Variants in GRIP1 observed in about 807,000 individuals in gnomAD.
GRIP1 encodes the protein glutamate receptor-interacting protein 1.
A neutral mutation model predicts 129.9 loss-of-function variants in GRIP1; 45 were observed. The observed-to-expected ratio is 0.35, with a 90% CI of 0.27 to 0.44. The LOEUF (loss-of-function observed/expected upper bound fraction) is 0.44. GRIP1 is among the 20% of genes least tolerant of loss of function. The pLI, the probability that GRIP1 is intolerant of heterozygous loss-of-function variation, is 1.00. For missense variants in GRIP1, 1,196 were observed against 1,396.8 expected, an observed-to-expected ratio of 0.86 and a Z score of 2.29; for synonymous variants, 530 against 520.8, an observed-to-expected ratio of 1.02 and a Z score of -0.24.
chr12:67,005,350 C>T (rs2042611223), intron 1 of GRIP1, among the ~76,000 whole-genome samples: 1 of 152,186 alleles, frequency 6.6e-6, no homozygotes, highest in South Asian at 2.1e-4. Flanking sequence ...ATGTCAAAAA[C>T]TACGCCACTA....
intron 1 of GRIP1, among the ~76,000 whole-genome samples, chr12:67,018,971 A>G (rs1002402873): frequency 1.4e-4 from 22 of 152,196 alleles, no homozygotes; most frequent in African/African-American, 5.3e-4. Flanking sequence ...ACTCAGGGAT[A>G]CAGTTTAAAA....
intron 1 of GRIP1, among the ~76,000 whole-genome samples, chr12:66,631,623 CTT>C (rs76412175): frequency 2.0e-4 from 31 of 151,906 alleles, no homozygotes. Context: ...CTCTCTCTCT[CTT>C]TTTAATACGA....
chr12:66,688,703 T>C (rs2034869604), intron 1 of GRIP1, among the ~76,000 whole-genome samples: 1 of 149,198 alleles, frequency 6.7e-6, no homozygotes, highest in Admixed American at 6.7e-5. Context: ...TTTATTTCCA[T>C]AAAAATGACA....
At chr12:66,515,854 A>G (rs1158710166) in intron 6 of GRIP1, 90 bp from the exon 7 acceptor site, 3 of 1,016,282 alleles carry the variant, frequency 3.0e-6, no homozygotes, top group Admixed American at 1.7e-5. Flanking sequence ...GTTTTGTCAC[A>G]CATATTCTGC....
intron 7 of GRIP1, among the ~76,000 whole-genome samples, chr12:66,474,944 C>G (rs142602053): frequency 6.6e-6 from 1 of 152,190 alleles, no homozygotes; most frequent in Admixed American, 6.5e-5. Context: ...GACCAGCTAA[C>G]ATCATAATGA....
chr12:66,928,585 A>G (rs1415199105), intron 1 of GRIP1, among the ~76,000 whole-genome samples: 1 of 152,228 alleles, frequency 6.6e-6, no homozygotes, highest in African/African-American at 2.4e-5. Flanking sequence ...TAAGAGAATC[A>G]TGGATCACAA....
intron 1 of GRIP1, among the ~76,000 whole-genome samples, chr12:66,714,882 TCCAC>T (rs952669095): frequency 8.7e-6 from 1 of 114,916 alleles, no homozygotes; most frequent in Non-Finnish European, 1.8e-5. Context: ...ATCCATTCAA[TCCAC>T]CCATCCATCC....
intron 8 of GRIP1, among the ~76,000 whole-genome samples, chr12:66,464,328 A>G (rs1401912338): frequency 6.6e-6 from 1 of 152,188 alleles, no homozygotes; most frequent in African/African-American, 2.4e-5. Flanking sequence ...CTTTTACCTT[A>G]CGAGTATAAA....
chr12:66,760,809 T>C lies in GRIP1; in HGVS notation c.-420+43244A>G, dbSNP rs566679796. On this transcript the variant is annotated intron_variant, in intron 1 of 4. Coordinates refer to the GRIP1 transcript ENST00000538373. ...CACACATCTCAATTTGATCTGGAAC[T>C]TTTCTCAGATCAAACTTCAAATTCT... is the stretch of plus-strand genomic sequence containing the variant. Among the ~76,000 whole-genome samples the C allele has an allele frequency of 1.8e-3, 280 of 152,188 alleles. 1 individual carries two copies. The highest frequency in any genetic ancestry group is 2.9e-3 in the Non-Finnish European group (196 of 68,012).
intron 1 of GRIP1, among the ~76,000 whole-genome samples, chr12:67,061,129 G>T (rs978570131): frequency 6.6e-6 from 1 of 152,184 alleles, no homozygotes; most frequent in African/African-American, 2.4e-5. Context: ...GTCCAAAGGG[G>T]AACCTCATGT....
At chr12:66,415,182 T>A (rs1401020213) in intron 15 of GRIP1, among the ~76,000 whole-genome samples, 1 of 151,994 alleles carries the variant, frequency 6.6e-6, no homozygotes, top group African/African-American at 2.4e-5. Flanking sequence ...GAAACTATCA[T>A]CAGAGTGAAC....
chr12:66,539,991 G>A (rs1370035647), intron 3 of GRIP1, among the ~76,000 whole-genome samples: 1 of 152,166 alleles, frequency 6.6e-6, no homozygotes, highest in Non-Finnish European at 1.5e-5. Flanking sequence ...AACAGAAATA[G>A]CTAATGCATT....
intron 1 of GRIP1, among the ~76,000 whole-genome samples, chr12:66,600,927 C>T (rs188650824): frequency 2.8e-4 from 43 of 152,318 alleles, no homozygotes; most frequent in African/African-American, 8.7e-4. Context: ...CCTTTTCTAA[C>T]GACATCTTAG....
rs771248548 is a variant in GRIP1 at position 66,678,901 on chromosome 12, T to G, written c.4A>C (p.Ile2Leu). Residue 2 changes from isoleucine to leucine, a missense_variant, in exon 1 of 25, where the codon ATA (isoleucine) becomes CTA (leucine). Around this residue, in one of 5 missense-constraint regions of GRIP1, gnomAD observed 217 missense variants for 224.8 expected, o/e 0.97. Transcript: ENST00000359742. M[I>L]AVSFKCRCQI... ...CAACGGCATTTAAAAGAGACAGCTA[T>G]CATTCTTGCTCACTGCTTTCTGTGG... 2 of 1,613,304 alleles carry G rather than the reference T, an allele frequency of 1.2e-6. No homozygotes were observed. Among genetic ancestry groups the G allele is most frequent in the Non-Finnish European group, 1.7e-6 (2 of 1,179,582 alleles).
At chr12:66,385,112 T>C (rs1279251269) in intron 19 of GRIP1, among the ~76,000 whole-genome samples, 2 of 152,248 alleles carry the variant, frequency 1.3e-5, no homozygotes, top group Non-Finnish European at 2.9e-5. Context: ...ATGAAATTTT[T>C]TTTGTTGTTG....
chr12:66,505,260 A>T (rs1306625637), intron 7 of GRIP1, among the ~76,000 whole-genome samples: 1 of 152,180 alleles, frequency 6.6e-6, no homozygotes, highest in Admixed American at 6.5e-5. Flanking sequence ...GACTCAATGA[A>T]CCGTTGCTGT....
At chr12:66,907,727 G>A (rs139390255) in intron 1 of GRIP1, among the ~76,000 whole-genome samples, 186 of 152,234 alleles carry the variant, frequency 1.2e-3, no homozygotes, top group African/African-American at 4.1e-3. Context: ...GACTACATGA[G>A]GTTGGAAATA....
intron 1 of GRIP1, among the ~76,000 whole-genome samples, chr12:66,816,021 C>G (rs1322396999): frequency 2.0e-5 from 3 of 151,902 alleles, no homozygotes; most frequent in African/African-American, 4.8e-5. Context: ...GAGTGTGACT[C>G]AATACTGTCA....
rs928327533 is a variant in GRIP1, at chr12:66,937,010, A to T, written c.58+132040T>A. On this transcript the variant is annotated intron_variant, in intron 1 of 1. Coordinates refer to the GRIP1 transcript ENST00000643019. ...TGTTTTATTACTGCTTCCATTAATC[A>T]TCTATTTGGAGGAAAAACCAATTAT... Among the ~76,000 whole-genome samples, 5 of 152,076 alleles carry T rather than the reference A, an allele frequency of 3.3e-5. No individual in the cohort carries two copies. The East Asian group carries it at 5.8e-4, about 18-fold the overall frequency.
Sources: allele counts gnomAD v4.1 joint callset (sites outside exome capture counted in the v4.1 genomes callset), GRCh38; gene constraint gnomAD v4.1.1; regional missense constraint gnomAD v4.1.1; transcripts MANE v1.5; gene names NCBI Gene and HGNC (gene_info 2026-07-23, HGNC 2026-07-21).